Variants in DENND2B observed in about 807,000 individuals in gnomAD.
DENND2B encodes the protein DENN domain containing 2B, also known as DENN domain-containing protein 2B.
DENND2B carries 32 observed loss-of-function variants against 116.0 expected under a neutral mutation model. The ratio of observed to expected loss-of-function variants is 0.28; its 90% CI spans 0.21 to 0.37. The LOEUF is 0.37. Ranked by LOEUF, DENND2B falls within the 10% of genes least tolerant of loss-of-function variation. The pLI is 1.00. For missense variants in DENND2B, 1,276 were observed against 1,477.7 expected (o/e 0.86, Z 2.24); for synonymous variants, 588 against 583.9 (o/e 1.01, Z -0.10).
intron 1 of DENND2B, among the ~76,000 whole-genome samples, chr11:8,904,686 A>C (rs2064213528): frequency 6.6e-6 from 1 of 152,216 alleles, no homozygotes; most frequent in Admixed American, 6.5e-5. Context: ...CCACAAAAAA[A>C]TTCTTAGAAC....
In DENND2B at chr11:8,779,791, A is replaced by C. The variant is rs371722009; in HGVS notation, c.-25-29066T>G. ...CAGCCTCCCGAAGTGCTCGGATTACAGGCGTGAGCCACCACGCCCGGCCAA... is the reference window on the plus strand; with the variant it reads ...CAGCCTCCCGAAGTGCTCGGATTACCGGCGTGAGCCACCACGCCCGGCCAA... On this transcript the variant is annotated intron_variant, in intron 1 of 19. Coordinates refer to ENST00000313726, the MANE Select transcript of DENND2B (RefSeq NM_213618.2). 1.7e-3 allele frequency among the ~76,000 whole-genome samples: 254 copies of C among 152,334 alleles called. 1 individual carries two copies. Among genetic ancestry groups the C allele is most frequent in the African/African-American group, 5.6e-3 (233 of 41,580 alleles).
intron 3 of DENND2B, among the ~76,000 whole-genome samples, chr11:8,849,215 G>A (rs1183885466): frequency 4.6e-5 from 7 of 152,052 alleles, no homozygotes; most frequent in South Asian, 2.1e-4. Flanking sequence ...ACTACAGGCC[G>A]GGCGCGGTGG....
intron 4 of DENND2B, among the ~76,000 whole-genome samples, chr11:8,829,186 TTG>T (rs1158612422): frequency 6.0e-5 from 9 of 150,544 alleles, no homozygotes; most frequent in Admixed American, 5.3e-4. Flanking sequence ...TGTGTGGTGT[TTG>T]TGTGTGTGGT....
At chr11:8,832,792 G>A (rs908807753) in intron 4 of DENND2B, among the ~76,000 whole-genome samples, 3 of 152,238 alleles carry the variant, frequency 2.0e-5, no homozygotes, top group African/African-American at 7.2e-5. Flanking sequence ...CAGGGATGGT[G>A]AGGCCCTTGT....
chr11:8,889,265 G>C (rs148538379), intron 1 of DENND2B, among the ~76,000 whole-genome samples: 14 of 152,336 alleles, frequency 9.2e-5, no homozygotes, highest in African/African-American at 2.9e-4. Flanking sequence ...TGGACAGGTG[G>C]TTCCAAGATG....
chr11:8,724,327 A>C (rs2133885901), intron 4 of DENND2B, among the ~76,000 whole-genome samples: 1 of 152,230 alleles, frequency 6.6e-6, no homozygotes, highest in East Asian at 1.9e-4. Flanking sequence ...GGCTTCTGAT[A>C]ATCTGGAGGT....
intron 4 of DENND2B, among the ~76,000 whole-genome samples, chr11:8,722,651 T>C (rs188037383): frequency 1.4e-4 from 22 of 152,300 alleles, no homozygotes; most frequent in African/African-American, 5.1e-4. Context: ...TTCCTCTGTA[T>C]TTCCCTCTGG....
intron 1 of DENND2B, among the ~76,000 whole-genome samples, chr11:8,774,486 A>C (rs1358308644): frequency 6.6e-6 from 1 of 152,192 alleles, no homozygotes; most frequent in Admixed American, 6.5e-5. Context: ...AAGCTGACAG[A>C]GTTGCGCTTC....
chr11:8,876,233 A>G (rs1301551153), upstream of DENND2B, among the ~76,000 whole-genome samples: 2 of 152,172 alleles, frequency 1.3e-5, no homozygotes, highest in African/African-American at 4.8e-5. Flanking sequence ...ATTATACTAA[A>G]GTACATATAT....
Position 8,801,846 on chromosome 11 carries a change from T to A in DENND2B, c.-26+8671A>T, listed in dbSNP as rs573288815. On this transcript the variant is annotated intron_variant, in intron 1 of 19. Transcript: ENST00000313726. ...AGAAACCCCATCTCTATAAAAAAAA[T>A]TATAAAAATCAGCCAGGTGTGGTGC... is the stretch of plus-strand genomic sequence containing the variant. Among the ~76,000 whole-genome samples the A allele has an allele frequency of 9.7e-4, 145 of 148,816 alleles. 1 individual carries two copies. In the Middle Eastern group the frequency reaches 0.014, roughly 14 times the overall value.
chr11:8,803,802 C>G (rs183956697), intron 1 of DENND2B, among the ~76,000 whole-genome samples: 1 of 152,196 alleles, frequency 6.6e-6, no homozygotes, highest in Admixed American at 6.5e-5. Context: ...AAAAACCAGA[C>G]TATGGACCCT....
chr11:8,778,885 C>T (rs992563841), intron 1 of DENND2B, among the ~76,000 whole-genome samples: 1 of 152,282 alleles, frequency 6.6e-6, no homozygotes, highest in Non-Finnish European at 1.5e-5. Context: ...AGACTCAAGA[C>T]TCTGGAGAAC....
intron 1 of DENND2B, 137 bp downstream of exon 1, chr11:8,810,380 A>C (rs75302894): frequency 6.6e-6 from 1 of 152,202 alleles, no homozygotes. Flanking sequence ...ATAGAATCCA[A>C]CTGTTGGAGC....
intron 1 of DENND2B, among the ~76,000 whole-genome samples, chr11:8,797,918 C>T (rs1357388627): frequency 6.6e-6 from 1 of 152,216 alleles, no homozygotes; most frequent in African/African-American, 2.4e-5. Context: ...GCATGTCAAG[C>T]TCTTTCCTAC....
At chr11:8,766,591 G>A in intron 1 of DENND2B, 6 of 1,286,984 alleles carry the variant, frequency 4.7e-6, no homozygotes, top group Non-Finnish European at 6.1e-6. Context: ...ACCATCCACT[G>A]AAAGGCCAAC....
At chr11:8,869,767 T>C (rs911878679) in intron 2 of DENND2B, among the ~76,000 whole-genome samples, 1 of 152,182 alleles carries the variant, frequency 6.6e-6, no homozygotes, top group Non-Finnish European at 1.5e-5. Context: ...CCAGCAGAAT[T>C]TAAGAAGCCT....
In DENND2B at chr11:8,702,797, G is replaced by A; in HGVS notation, c.2572-77C>T. 5 of 1,452,764 alleles carry A rather than the reference G, an allele frequency of 3.4e-6. No individual in the cohort carries two copies. The highest frequency in any genetic ancestry group is 1.2e-5 in the South Asian group (1 of 83,438). The allele number at this position is 1,452,764 out of a possible 1,614,324, so 90.0% of individuals were successfully genotyped here. A position where few individuals can be genotyped will look rare whatever the true frequency, so the allele number is the denominator to read the frequency against. On this transcript the variant is annotated intron_variant, in intron 13 of 19. Coordinates refer to ENST00000313726, the MANE Select transcript of DENND2B (RefSeq NM_213618.2). The surrounding 1 kb of genome is among the most constrained non-coding windows in gnomAD (Gnocchi z 4.6). ...CCTCTGGCCCTCCACGAAGCAACTG[G>A]AGCTGCTTTCCCCTTCCAACCTGCT...
At chr11:8,780,095 C>T (rs925319443) in intron 1 of DENND2B, among the ~76,000 whole-genome samples, 2 of 152,142 alleles carry the variant, frequency 1.3e-5, no homozygotes, top group Non-Finnish European at 2.9e-5. Flanking sequence ...TTCCTGGAAG[C>T]CAGGACAACC....
chr11:8,767,438 T>A (rs564620328), intron 1 of DENND2B, among the ~76,000 whole-genome samples: 1 of 152,198 alleles, frequency 6.6e-6, no homozygotes, highest in Non-Finnish European at 1.5e-5. Context: ...GAAGAAGTTT[T>A]AATTCTTAAA....
Sources: gnomAD v4.1 joint callset for allele counts (sites outside exome capture counted in the v4.1 genomes callset) on GRCh38, gnomAD v4.1.1 for gene constraint, Gnocchi (gnomAD v3.1) non-coding constraint, MANE v1.5 for transcripts, NCBI Gene and HGNC (gene_info 2026-07-23, HGNC 2026-07-21) for gene names.